CFAP44: variants seen among roughly 807,000 people sequenced by gnomAD.
CFAP44 encodes cilia- and flagella-associated protein 44.
A neutral mutation model predicts 216.2 loss-of-function variants in CFAP44; 134 were observed. That is an observed-to-expected ratio of 0.62 (90% CI 0.54 to 0.72). The LOEUF (loss-of-function observed/expected upper bound fraction) is 0.72, where lower values mean the gene tolerates loss of function less well. Among genes scored for constraint, CFAP44 ranks in the 30% least tolerant of loss-of-function variants. The pLI, the probability that CFAP44 is intolerant of heterozygous loss-of-function variation, is 0.00. For synonymous variants in CFAP44, 700 were observed against 727.6 expected, an observed-to-expected ratio of 0.96 and a Z score of 0.61; for missense variants, 2,035 against 2,182.1, an observed-to-expected ratio of 0.93 and a Z score of 1.34.
At chr3:113,382,101 T>C (rs143824679) in intron 15 of CFAP44, among the ~76,000 whole-genome samples, 6 of 152,182 alleles carry the variant, frequency 3.9e-5, no homozygotes, top group Non-Finnish European at 8.8e-5. Flanking sequence ...TATAAGAAAA[T>C]TGTGGCTTGG....
Position 113,358,839 on chromosome 3 carries a change from G to A in CFAP44, c.2971C>T (p.His991Tyr). Reference protein sequence around the residue: ...DVDSQIRAEMHRKTAFKIQQV... With the variant: ...DVDSQIRAEMYRKTAFKIQQV... ...TGAATTTTGAAAGCTGTTTTTCTGTGCATCTCAGCACGGATTTGGGAATCT... is the reference window on the plus strand; with the variant it reads ...TGAATTTTGAAAGCTGTTTTTCTGTACATCTCAGCACGGATTTGGGAATCT... The change falls in exon 22 of 35, where the codon CAC becomes TAC. Residue 991 changes from histidine (H) to tyrosine (Y), a missense_variant. His to Tyr is a moderately conservative substitution (Grantham distance 83). This residue lies in a region of CFAP44 where 1,883 missense variants were observed against 2,023.7 expected (regional missense o/e 0.93). Transcript: ENST00000393845. The A allele has an allele frequency of 6.5e-7, 1 of 1,536,604 alleles. No homozygotes were observed. Among genetic ancestry groups the A allele is most frequent in the Non-Finnish European group, 8.7e-7 (1 of 1,146,472 alleles).
intron 24 of CFAP44, among the ~76,000 whole-genome samples, chr3:113,337,231 A>G (rs1950288856): frequency 1.3e-5 from 2 of 151,956 alleles, no homozygotes; most frequent in African/African-American, 2.4e-5. Flanking sequence ...AAAGAAATGC[A>G]TATGTGCAAA....
Position 113,305,046 on chromosome 3 carries a change from T to C in CFAP44, c.4865A>G (p.Lys1622Arg). 1 of 1,537,210 alleles carries C rather than the reference T, an allele frequency of 6.5e-7. No homozygotes were observed. The highest frequency in any genetic ancestry group is 8.7e-7 in the Non-Finnish European group (1 of 1,146,902). ...CCCCAGACGCATCACCTGGTGGAGC[T>C]TGAGCGGAATCACAACTAGCAGTTC... The part of the protein sequence containing the change: ...LNELLVVIPL[K>R]LHQIEYVVFG... Residue 1622 changes from lysine to arginine, a missense_variant, in exon 31 of 35, where the codon AAG becomes AGG. Lys to Arg is a conservative substitution (Grantham distance 26). This residue lies in a region of CFAP44 where 1,883 missense variants were observed against 2,023.7 expected (regional missense o/e 0.93). Transcript: ENST00000393845.
intron 24 of CFAP44, 124 bp downstream of exon 24, chr3:113,341,620 T>A: frequency 2.6e-6 from 3 of 1,143,138 alleles, no homozygotes; most frequent in Non-Finnish European, 3.5e-6. Flanking sequence ...TCCTTCTTTG[T>A]TTTTATTGTT....
intron 18 of CFAP44, among the ~76,000 whole-genome samples, chr3:113,373,184 A>T (rs1933228899): frequency 6.6e-6 from 1 of 152,214 alleles, no homozygotes. Flanking sequence ...CATACAATTC[A>T]ATTGTGCGAT....
At chr3:113,387,884 G>A (rs1477696902) in intron 15 of CFAP44, among the ~76,000 whole-genome samples, 1 of 152,120 alleles carries the variant, frequency 6.6e-6, no homozygotes, top group Non-Finnish European at 1.5e-5. Flanking sequence ...TGGGCCTTGA[G>A]TGAGAATCAG....
intron 32 of CFAP44, among the ~76,000 whole-genome samples, chr3:113,301,481 G>A (rs1281593747): frequency 1.3e-5 from 2 of 151,968 alleles, no homozygotes; most frequent in Admixed American, 6.6e-5. Context: ...ATACTCCACT[G>A]CTTATATGTA....
intron 31 of CFAP44, 139 bp downstream of exon 31, chr3:113,304,897 G>A: frequency 3.0e-6 from 2 of 665,002 alleles, no homozygotes; most frequent in South Asian, 3.8e-5. Flanking sequence ...TAAGACAAGT[G>A]TAGGTGTCAT....
rs1378995400 is a variant in CFAP44, at chr3:113,291,715, C to T, written c.5407G>A (p.Val1803Ile). 1.3e-6 allele frequency: 2 copies of T among 1,536,480 alleles called. No individual in the cohort carries two copies. The highest frequency in any genetic ancestry group is 1.4e-5 in the African/African-American group (1 of 73,012). ...NAFQGPREAD[V>I]VAREEVTELI... ...TCAGTGACCTCCTCTCTTGCCACAA[C>T]ATCTGCTTCCCGAGGGCCCTGGAAG... Residue 1803 changes from valine to isoleucine, a missense_variant, in exon 35 of 35, where the codon GTT becomes ATT. By Grantham distance (29) the Val-to-Ile change is conservative. This residue lies in a region of CFAP44 where 1,883 missense variants were observed against 2,023.7 expected (regional missense o/e 0.93). Coordinates refer to ENST00000393845, the MANE Select transcript of CFAP44 (RefSeq NM_001164496.2).
At chr3:113,419,886 A>C (rs751897008) in intron 5 of CFAP44, 131 bp downstream of exon 5, 16 of 834,726 alleles carry the variant, frequency 1.9e-5, no homozygotes, top group African/African-American at 8.6e-5. Context: ...GAATAAAGAC[A>C]GCTGTGCATC....
At chr3:113,419,947 T>G (rs1168370084) in intron 5 of CFAP44, 70 bp downstream of exon 5, 1 of 1,521,414 alleles carries the variant, frequency 6.6e-7, no homozygotes, top group Non-Finnish European at 8.9e-7. Flanking sequence ...ACAACCATGT[T>G]GGCTGGTCCA....
chr3:113,389,501 G>T lies in CFAP44; in HGVS notation c.1890+6249C>A, dbSNP rs545820313. 3.3e-5 allele frequency among the ~76,000 whole-genome samples: 5 copies of T among 151,568 alleles called. No individual in the cohort carries two copies. In the South Asian group the frequency reaches 1.0e-3, roughly 32 times the overall value. ...CAAACCAAACTCAAAATTAGTAGAA[G>T]AAAATAAATGAAAAAGATCAGAACA... On this transcript the variant is annotated intron_variant, in intron 15 of 34. Transcript: ENST00000393845.
At chr3:113,332,718 G>A (rs747591094) in intron 25 of CFAP44, among the ~76,000 whole-genome samples, 1 of 152,148 alleles carries the variant, frequency 6.6e-6, no homozygotes, top group Non-Finnish European at 1.5e-5. Context: ...GATTGAAAGT[G>A]GTTTGGAAGA....
In CFAP44 at chr3:113,296,765, C is replaced by T. The variant is rs189524927; in HGVS notation, c.5198G>A (p.Arg1733Gln). Residue 1733 changes from arginine (R) to glutamine (Q), a missense_variant, in exon 33 of 35, where the codon CGA (arginine) becomes CAA (glutamine). Physicochemically the swap from Arg to Gln is conservative, Grantham distance 43. Transcript: ENST00000393845. ...TLEELKIRKL[R>Q]KELANAKEMK... The stretch of plus-strand genomic sequence containing the variant: ...CTCTTTCGCATTTGCTAGCTCCTTT[C>T]GAAGTTTTCTGATCTTCAGTTCTTC... The T allele has an allele frequency of 2.4e-4, 374 of 1,537,808 alleles. 1 individual carries two copies. In the East Asian group the frequency reaches 7.3e-3, roughly 30 times the overall value.
intron 2 of CFAP44, among the ~76,000 whole-genome samples, chr3:113,430,987 A>T (rs973008457): frequency 2.0e-5 from 3 of 152,162 alleles, no homozygotes; most frequent in African/African-American, 7.2e-5. Context: ...TAGAACTCAG[A>T]GATAGCAGAA....
intron 24 of CFAP44, among the ~76,000 whole-genome samples, chr3:113,340,046 G>T (rs1950316675): frequency 6.6e-6 from 1 of 152,154 alleles, no homozygotes; most frequent in Admixed American, 6.5e-5. Flanking sequence ...TGGCCCTGTG[G>T]GGTTGCGGCT....
At chr3:113,400,716 A>C (rs1292574726) in intron 11 of CFAP44, 72 bp from the exon 12 acceptor site, 1 of 1,354,386 alleles carries the variant, frequency 7.4e-7, no homozygotes, top group Non-Finnish European at 1.0e-6. Flanking sequence ...GTTTAAAAAA[A>C]TGCAAAGATA....
rs191851815 is a variant in CFAP44 at position 113,419,478 on chromosome 3, C to T, written c.570+539G>A. Reference sequence around the variant, plus strand: ...TTAATTAGTCTTATAACAAACTCTCCGAGGACATGGACTTTTATCATGTAT... The same window carrying T: ...TTAATTAGTCTTATAACAAACTCTCTGAGGACATGGACTTTTATCATGTAT... On this transcript the variant is annotated intron_variant, in intron 5 of 34. Coordinates refer to ENST00000393845, the MANE Select transcript of CFAP44 (RefSeq NM_001164496.2). 8.1e-4 allele frequency among the ~76,000 whole-genome samples: 124 copies of T among 152,150 alleles called. 1 individual carries two copies. The highest frequency in any genetic ancestry group is 4.1e-3 in the Admixed American group (63 of 15,274).
Position 113,330,403 on chromosome 3 carries a change from A to T in CFAP44, c.3881T>A (p.Val1294Glu). ...TGGGCCTCCAGACCCTGTCTGTTCC[A>T]CTCCGGGGGACTTTTCATCTTTACT... The part of the protein sequence containing the change: ...MKSKDEKSPG[V>E]EQTGSGGPVG... Residue 1294 changes from valine to glutamate, a missense_variant, in exon 26 of 35, where the codon GTG (valine) becomes GAG (glutamate). Around this residue, in one of 3 missense-constraint regions of CFAP44, gnomAD observed 1,883 missense variants for 2,023.7 expected, o/e 0.93. Coordinates refer to ENST00000393845, the MANE Select transcript of CFAP44 (RefSeq NM_001164496.2). The T allele has an allele frequency of 6.5e-7, 1 of 1,537,106 alleles. No homozygotes were observed. The highest frequency in any genetic ancestry group is 2.4e-5 in the East Asian group (1 of 40,904).
Sources: gnomAD v4.1 joint callset for allele counts (sites outside exome capture counted in the v4.1 genomes callset) on GRCh38, gnomAD v4.1.1 for gene constraint, gnomAD v4.1.1 regional missense constraint, MANE v1.5 for transcripts, NCBI Gene and HGNC (gene_info 2026-07-23, HGNC 2026-07-21) for gene names.